RALGDS: variants seen among roughly 807,000 people sequenced by gnomAD.
The protein encoded by RALGDS is ral guanine nucleotide exchange factor.
Under a neutral mutation model 99.8 loss-of-function variants are expected in RALGDS, and 44 were observed. The observed-to-expected ratio is 0.44, with a 90% CI of 0.35 to 0.57. The LOEUF (loss-of-function observed/expected upper bound fraction) is 0.57, where lower values mean the gene tolerates loss of function less well. Ranked by LOEUF, RALGDS falls within the 20% of genes least tolerant of loss-of-function variation. RALGDS has a pLI of 0.01. For missense variants in RALGDS, 1,022 were observed against 1,203.1 expected, an observed-to-expected ratio of 0.85 and a Z score of 2.23; for synonymous variants, 529 against 505.0, an observed-to-expected ratio of 1.05 and a Z score of -0.64.
Position 133,105,950 on chromosome 9 carries a change from G to T in RALGDS, c.1584C>A (p.Ser528Arg). ...IFSDENNYSL[S>R]RELLIKEGTS... ...ACTCCACCTTGATGAGCAGCTCCCG[G>T]CTCAATGAGTAGTTGTTCTCATCTG... Residue 528 changes from serine to arginine, a missense_variant, in exon 9 of 18, where the codon AGC becomes AGA. By Grantham distance (110) the Ser-to-Arg change is moderately radical. Transcript: ENST00000372050. The T allele has an allele frequency of 6.3e-7, 1 of 1,597,284 alleles. No individual in the cohort carries two copies. The highest frequency in any genetic ancestry group is 8.5e-7 in the Non-Finnish European group (1 of 1,173,866).
chr9:133,115,412 C>T (rs754902325), intron 1 of RALGDS, among the ~76,000 whole-genome samples: 1 of 152,204 alleles, frequency 6.6e-6, no homozygotes. Context: ...GCAGAGCCTC[C>T]GTGTGCGTGA....
At chr9:133,121,618 G>T (rs1261849332), upstream of RALGDS, among the ~76,000 whole-genome samples, 1 of 152,214 alleles carries the variant, frequency 6.6e-6, no homozygotes, top group Non-Finnish European at 1.5e-5. Flanking sequence ...CCGCCCTGGA[G>T]TCAGCTACCC....
At chr9:133,135,135 A>G (rs1832405184), upstream of RALGDS, among the ~76,000 whole-genome samples, 1 of 152,162 alleles carries the variant, frequency 6.6e-6, no homozygotes, top group Non-Finnish European at 1.5e-5. Flanking sequence ...GACTTGTGGA[A>G]GGCTACACAC....
In RALGDS at chr9:133,119,253, C is replaced by T. The variant is rs533083350; in HGVS notation, c.183+1719G>A. ...TCAGCTCTGGCAGGCCACATAGACA[C>T]CAGGAAACCAGCCCCAGGACGGGGG... On this transcript the variant is annotated intron_variant, in intron 1 of 17. Coordinates refer to ENST00000372050, the MANE Select transcript of RALGDS (RefSeq NM_006266.4). Among the ~76,000 whole-genome samples the T allele has an allele frequency of 3.9e-5, 6 of 152,302 alleles. No homozygotes were observed. The East Asian group carries it at 1.2e-3, about 29-fold the overall frequency.
chr9:133,144,547 T>C lies in RALGDS; in HGVS notation c.18+4416A>G, dbSNP rs973037792. Among the ~76,000 whole-genome samples, 1 of 152,212 alleles carries C rather than the reference T, an allele frequency of 6.6e-6. No homozygotes were observed. The highest frequency in any genetic ancestry group is 1.5e-5 in the Non-Finnish European group (1 of 68,030). On this transcript the variant is annotated intron_variant, in intron 1 of 17. Transcript: ENST00000393160. This position sits in a 1 kb window ranked among gnomAD's most constrained non-coding sequence, Gnocchi z 4.5. ...TCGCGACCCGAAAGCGAGACCTTTG[T>C]CTGCGGCAGCTCCGCGCCGGGCTGG...
chr9:133,109,013 C>T (rs1363930825), intron 4 of RALGDS, 147 bp from the exon 5 acceptor site: 1 of 781,654 alleles, frequency 1.3e-6, no homozygotes. Context: ...AAGGAGGCCC[C>T]TGGTCAGTGG....
At chr9:133,105,908 C>CCCCAGCCTCAGCCCCA (rs1564232342) in intron 9 of RALGDS, 24 bp downstream of exon 9, 1 of 1,015,656 alleles carries the variant, frequency 9.8e-7, no homozygotes, top group African/African-American at 2.5e-5. Context: ...CCCCAGCCCC[C>CCCCAGCCTCAGCCCCA]GCCCCAGCCT....
chr9:133,101,657 G>C lies in RALGDS; in HGVS notation c.2317C>G (p.Arg773Gly), dbSNP rs765841775. 8 of 1,613,738 alleles carry C rather than the reference G, an allele frequency of 5.0e-6. No individual in the cohort carries two copies. The highest frequency in any genetic ancestry group is 4.0e-5 in the African/African-American group (3 of 74,956). The change falls in exon 16 of 18, where the codon CGC (arginine) becomes GGC (glycine). Residue 773 changes from arginine (R) to glycine (G), a missense_variant. Transcript: ENST00000372050. ...CCTGAGACAGAGCGCTTGTGGGTGC[G>C]TGTGGCAGCCACGGGCGTGGTGGAG... The part of the protein sequence containing the change: ...SASTTPVAAT[R>G]THKRSVSGLC...
At chr9:133,129,794 C>T (rs184133098) in intron 1 of RALGDS, among the ~76,000 whole-genome samples, 1 of 150,214 alleles carries the variant, frequency 6.7e-6, no homozygotes, top group South Asian at 2.1e-4. Flanking sequence ...CACCCAGGCA[C>T]GAGATTTCCT....
chr9:133,128,122 C>A lies in RALGDS; in HGVS notation c.132+2830G>T, dbSNP rs565266241. Among the ~76,000 whole-genome samples, 3 of 152,358 alleles carry A rather than the reference C, an allele frequency of 2.0e-5. No individual in the cohort carries two copies. The South Asian group carries it at 6.2e-4, about 32-fold the overall frequency. ...CTGTCCCCCACTCCTGCAGTGCTCG[C>A]TGCCTGGCACTGTGAGGAGTCACTG... On this transcript the variant is annotated intron_variant, in intron 1 of 17. Coordinates refer to the RALGDS transcript ENST00000372062.
chr9:133,106,504 A>G, intron 8 of RALGDS, 141 bp downstream of exon 8: 1 of 655,540 alleles, frequency 1.5e-6, no homozygotes, highest in Non-Finnish European at 2.8e-6. Flanking sequence ...CCGAGCTCTG[A>G]GGCAGAGCTG....
At chr9:133,115,229 C>T (rs983664502) in intron 1 of RALGDS, among the ~76,000 whole-genome samples, 8 of 152,222 alleles carry the variant, frequency 5.3e-5, no homozygotes, top group African/African-American at 1.9e-4. Flanking sequence ...GACGCCTTTC[C>T]TTGGAAACCG....
chr9:133,117,695 G>A (rs78370835), intron 1 of RALGDS, among the ~76,000 whole-genome samples: 1 of 152,374 alleles, frequency 6.6e-6, no homozygotes, highest in East Asian at 1.9e-4. Flanking sequence ...GGAACACAGT[G>A]ATTCTGGGCC....
chr9:133,106,804 G>A (rs1471017776), intron 7 of RALGDS, 56 bp from the exon 8 acceptor site: 9 of 1,374,322 alleles, frequency 6.5e-6, no homozygotes, highest in East Asian at 4.8e-5. Flanking sequence ...AGCTTGCCTG[G>A]CCTCAGTCCC....
chr9:133,139,849 A>C (rs1832490531), intron 1 of RALGDS, among the ~76,000 whole-genome samples: 1 of 151,384 alleles, frequency 6.6e-6, no homozygotes, highest in African/African-American at 2.4e-5. Flanking sequence ...AACATCTCAT[A>C]CTCCCCCACA....
intron 1 of RALGDS, among the ~76,000 whole-genome samples, chr9:133,142,795 C>G (rs1832546600): frequency 6.6e-6 from 1 of 152,240 alleles, no homozygotes; most frequent in South Asian, 2.1e-4. Context: ...TTAACCACCA[C>G]TTGGGGCCTA....
chr9:133,129,538 G>T, intron 1 of RALGDS: 1 of 1,048,180 alleles, frequency 9.5e-7, no homozygotes, highest in Non-Finnish European at 1.3e-6. Flanking sequence ...CCCCAAGCTA[G>T]CCTAGCTTTC....
rs569380043 is a variant in RALGDS, at chr9:133,144,901, C to A, written c.18+4062G>T. 1.4e-4 allele frequency among the ~76,000 whole-genome samples: 22 copies of A among 152,344 alleles called. No homozygotes were observed. The highest frequency in any genetic ancestry group is 4.3e-4 in the African/African-American group (18 of 41,576). On this transcript the variant is annotated intron_variant, in intron 1 of 17. Transcript: ENST00000393160. The surrounding 1 kb of genome is among the most constrained non-coding windows in gnomAD (Gnocchi z 4.5). ...TGAGGTCATACTGGATTAGGGTGGG[C>A]CTTAATCCAATGACTGCTATCCTTA...
intron 1 of RALGDS, among the ~76,000 whole-genome samples, chr9:133,130,723 C>T (rs1358760222): frequency 6.6e-6 from 1 of 152,174 alleles, no homozygotes; most frequent in East Asian, 1.9e-4. Context: ...ACATTGGAAG[C>T]CATCAGACGC....
Sources: gnomAD v4.1 joint callset for allele counts (sites outside exome capture counted in the v4.1 genomes callset) on GRCh38, gnomAD v4.1.1 for gene constraint, Gnocchi (gnomAD v3.1) non-coding constraint, MANE v1.5 for transcripts, NCBI Gene and HGNC (gene_info 2026-07-23, HGNC 2026-07-21) for gene names.